The following FMNL3 variants were observed in gnomAD, a reference collection of about 807,000 sequenced individuals.
FMNL3 encodes the protein formin like 3.
In FMNL3, 57 loss-of-function variants were observed where a neutral mutation model predicts 119.6. The observed-to-expected ratio is 0.48, with a 90% CI of 0.39 to 0.59. The LOEUF (loss-of-function observed/expected upper bound fraction) is 0.59, where lower values mean the gene tolerates loss of function less well. FMNL3 is among the 20% of genes least tolerant of loss of function. The pLI is 0.00. For missense variants in FMNL3, 1,053 were observed against 1,323.5 expected, an observed-to-expected ratio of 0.80 and a Z score of 3.17; for synonymous variants, 491 against 507.3, an observed-to-expected ratio of 0.97 and a Z score of 0.43.
intron 1 of FMNL3, among the ~76,000 whole-genome samples, chr12:49,680,056 G>C (rs939643208): frequency 1.3e-4 from 20 of 152,156 alleles, no homozygotes; most frequent in African/African-American, 4.3e-4. Flanking sequence ...TAAGCTCCTT[G>C]AGGACTTTGC....
At chr12:49,691,725 T>A (rs1319903488) in intron 1 of FMNL3, among the ~76,000 whole-genome samples, 3 of 151,998 alleles carry the variant, frequency 2.0e-5, no homozygotes, top group East Asian at 1.9e-4. Flanking sequence ...AGGAGCCTTT[T>A]TTTTCCCCCC....
At chr12:49,673,773 GGCCA>G (rs1944109380) in intron 1 of FMNL3, among the ~76,000 whole-genome samples, 1 of 152,278 alleles carries the variant, frequency 6.6e-6, no homozygotes, top group Admixed American at 6.5e-5. Context: ...CCAGACGGCA[GGCCA>G]GCCGGCCCAG....
intron 1 of FMNL3, chr12:49,688,419 TC>T (rs997629412): frequency 5.0e-5 from 23 of 456,098 alleles, no homozygotes; most frequent in African/African-American, 4.4e-4. Flanking sequence ...GCCAACAAGG[TC>T]CCACATAATC....
rs937746658 is a variant in FMNL3 at position 49,658,433 on chromosome 12, C to G, written c.605+9G>C. 3 of 1,586,286 alleles carry G rather than the reference C, an allele frequency of 1.9e-6. No individual in the cohort carries two copies. The African/African-American group carries it at 4.0e-5, about 21-fold the overall frequency. On this transcript the variant is annotated intron_variant, in intron 6 of 25. Transcript: ENST00000335154. ...GGGAGGCAGGTGGGCAGAGCAAAAG[C>G]ACACATACCGGAGCACAGACTGGCG...
chr12:49,675,868 G>GT (rs2138913514), intron 1 of FMNL3, among the ~76,000 whole-genome samples: 1 of 152,212 alleles, frequency 6.6e-6, no homozygotes, highest in East Asian at 1.9e-4. Context: ...AGCTTCTGAG[G>GT]TAAGATTCTC....
intron 1 of FMNL3, among the ~76,000 whole-genome samples, chr12:49,685,980 T>G (rs1328699193): frequency 6.6e-6 from 1 of 152,060 alleles, no homozygotes; most frequent in Non-Finnish European, 1.5e-5. Context: ...GGCACGAGAA[T>G]CACTTGAACC....
chr12:49,707,071 C>A lies in FMNL3; in HGVS notation c.110G>T (p.Arg37Met). 2 of 1,589,124 alleles carry A rather than the reference C, an allele frequency of 1.3e-6. No individual in the cohort carries two copies. Among genetic ancestry groups the A allele is most frequent in the Non-Finnish European group, 1.7e-6 (2 of 1,169,216 alleles). ...AGCTCTCACCAGCACCAGGGCGAACCTTTCCTCCAGCTCACAGGGCTCAGG... is the reference window on the plus strand; with the variant it reads ...AGCTCTCACCAGCACCAGGGCGAACATTTCCTCCAGCTCACAGGGCTCAGG... ...PMPEPCELEE[R>M]FALVLSSMNL... The change falls in exon 1 of 26, where the codon AGG becomes ATG. Residue 37 changes from arginine (R) to methionine (M), a missense_variant. Arg to Met is a moderately conservative substitution (Grantham distance 91). Transcript: ENST00000335154.
At chr12:49,653,036 C>T (rs545844957) in intron 13 of FMNL3, among the ~76,000 whole-genome samples, 190 bp downstream of exon 13, 6 of 152,244 alleles carry the variant, frequency 3.9e-5, no homozygotes, top group African/African-American at 1.4e-4. Flanking sequence ...CTGGCTCACA[C>T]TGGCCCCACC....
chr12:49,651,954 G>A lies in FMNL3; in HGVS notation c.1582C>T (p.Pro528Ser), dbSNP rs372002585. 5 of 1,596,076 alleles carry A rather than the reference G, an allele frequency of 3.1e-6. No individual in the cohort carries two copies. The highest frequency in any genetic ancestry group is 4.3e-6 in the Non-Finnish European group (5 of 1,169,128). Reference protein sequence around the residue: ...LPPPPAPPLPPPPPPLPDKCP... With the variant: ...LPPPPAPPLPSPPPPLPDKCP... ...TTACCTGGTAATGGGGGAGGTGGAGGGGGCAAGGGCGGAGCTGGTGGTGGA... is the reference window on the plus strand; with the variant it reads ...TTACCTGGTAATGGGGGAGGTGGAGAGGGCAAGGGCGGAGCTGGTGGTGGA... The change falls in exon 14 of 26, where the codon CCT becomes TCT. Residue 528 changes from proline (P) to serine (S), a missense_variant. By Grantham distance (74) the Pro-to-Ser change is moderately conservative. Transcript: ENST00000335154.
Position 49,647,646 on chromosome 12 carries a change from TCTCCCCCAG to T in FMNL3, c.2778+48_2778+56del, listed in dbSNP as rs1943248886. The T allele has an allele frequency of 2.0e-6, 3 of 1,493,752 alleles. No homozygotes were observed. Among genetic ancestry groups the T allele is most frequent in the Non-Finnish European group, 2.8e-6 (3 of 1,072,938 alleles). 92.5% of individuals were successfully genotyped at this position (1,493,752 alleles called of 1,614,324 possible). ...GGCCCATACTTTAAGCCCAGGCTTC[TCTCCCCCAG>T]CCAGTTTTCTCGCAACCAAACTTCT... On this transcript the variant is annotated intron_variant, in intron 23 of 25. Transcript: ENST00000335154. This position sits in a 1 kb window ranked among gnomAD's most constrained non-coding sequence, Gnocchi z 4.9.
intron 17 of FMNL3, among the ~76,000 whole-genome samples, chr12:49,650,451 T>C (rs1322262590): frequency 6.6e-6 from 1 of 152,204 alleles, no homozygotes; most frequent in Non-Finnish European, 1.5e-5. Context: ...GTGGTATCAC[T>C]CAGTGTTACT....
At chr12:49,704,556 CA>C (rs1473488422) in intron 1 of FMNL3, among the ~76,000 whole-genome samples, 1 of 151,828 alleles carries the variant, frequency 6.6e-6, no homozygotes, top group Non-Finnish European at 1.5e-5. Context: ...ACTAAAAACA[CA>C]AAAATTAGCC....
chr12:49,653,734 A>G lies in FMNL3; in HGVS notation c.1212T>C (p.His404=). 1 of 1,614,066 alleles carries G rather than the reference A, an allele frequency of 6.2e-7. No homozygotes were observed. Residue 404 remains histidine, a synonymous_variant, in exon 12 of 26, where the codon CAT becomes CAC. Transcript: ENST00000335154. ...ALEKVEELEE[H]VSHLTEKLLD... ...AAGGAAGACCACCTACATGGGACAC[A>G]TGCTCCTCCAACTCCTCCACCTTCT... is the stretch of plus-strand genomic sequence containing the variant.
intron 1 of FMNL3, among the ~76,000 whole-genome samples, chr12:49,702,750 A>C (rs1253254764): frequency 6.6e-6 from 1 of 152,128 alleles, no homozygotes; most frequent in Non-Finnish European, 1.5e-5. Context: ...AACAAGAAGA[A>C]GGTTCCTCTG....
intron 1 of FMNL3, among the ~76,000 whole-genome samples, chr12:49,706,372 G>A (rs991671104): frequency 7.2e-5 from 11 of 152,174 alleles, no homozygotes; most frequent in Admixed American, 2.0e-4. Flanking sequence ...GAGGCGGGAT[G>A]GTTTGTGTAT....
chr12:49,651,094 G>C, intron 16 of FMNL3, 74 bp downstream of exon 16: 1 of 1,583,788 alleles, frequency 6.3e-7, no homozygotes, highest in Non-Finnish European at 8.6e-7. Context: ...GCTTTTCTAA[G>C]ACCAGAATCT....
chr12:49,701,100 T>C lies in FMNL3; in HGVS notation c.126+5955A>G, dbSNP rs1017919352. On this transcript the variant is annotated intron_variant, in intron 1 of 25. Transcript: ENST00000335154. The stretch of plus-strand genomic sequence containing the variant: ...TCTCAAAAAAAAAAAAAAAAAGAAA[T>C]AATGATACTGAATAATATATAAGCA... Among the ~76,000 whole-genome samples the C allele has an allele frequency of 7.0e-5, 10 of 142,086 alleles. No individual in the cohort carries two copies. The East Asian group carries it at 1.6e-3, about 23-fold the overall frequency. The allele number at this position is 142,086 out of a possible 152,430, so 93.2% of individuals were successfully genotyped here.
intron 1 of FMNL3, among the ~76,000 whole-genome samples, chr12:49,692,879 T>C (rs1378411503): frequency 6.6e-6 from 1 of 152,094 alleles, no homozygotes; most frequent in Non-Finnish European, 1.5e-5. Context: ...TTTTTAAAAA[T>C]TGAGACCTAA....
At chr12:49,692,034 CAAAAAAAAAAAAAAA>C (rs773991970) in intron 1 of FMNL3, among the ~76,000 whole-genome samples, 1 of 23,120 alleles carries the variant, frequency 4.3e-5, no homozygotes, top group Non-Finnish European at 1.0e-4. Flanking sequence ...GACTCCATCT[CAAAAAAAAAAAAAAA>C]AAAAAAAAAA....
Sources: gnomAD v4.1 joint callset for allele counts (sites outside exome capture counted in the v4.1 genomes callset) on GRCh38, gnomAD v4.1.1 for gene constraint, Gnocchi (gnomAD v3.1) non-coding constraint, MANE v1.5 for transcripts, NCBI Gene and HGNC (gene_info 2026-07-23, HGNC 2026-07-21) for gene names.